Variants in VWA8 observed in about 807,000 individuals in gnomAD.
VWA8 encodes von Willebrand factor A domain containing 8.
A neutral mutation model predicts 241.5 loss-of-function variants in VWA8; 221 were observed. The ratio of observed to expected loss-of-function variants is 0.91; its 90% CI spans 0.82 to 1.02. The LOEUF is 1.02. Ranked by LOEUF, VWA8 falls within the 50% of genes least tolerant of loss-of-function variation. The pLI is 0.00. For synonymous variants in VWA8, 852 were observed against 827.1 expected, an observed-to-expected ratio of 1.03 and a Z score of -0.52; for missense variants, 2,322 against 2,328.7, an observed-to-expected ratio of 1.00 and a Z score of 0.06.
chr13:41,721,371 T>C lies in VWA8; in HGVS notation c.2963A>G (p.Gln988Arg), dbSNP rs1208431571. 1.2e-6 allele frequency: 2 copies of C among 1,613,640 alleles called. No homozygotes were observed. The highest frequency in any genetic ancestry group is 1.7e-4 in the Middle Eastern group (1 of 6,046). The change falls in exon 25 of 45, where the codon CAG becomes CGG. Residue 988 changes from glutamine (Q) to arginine (R), a missense_variant and splice_region_variant. Gln to Arg is a conservative substitution (Grantham distance 43). Transcript: ENST00000379310. ...GGTACAGGTGTGTGCCATACCTACC[T>C]GTAAATGTTTGACTATGTTGACAAC... is the stretch of plus-strand genomic sequence containing the variant. ...REVVNIVKHL[Q>R]KFPTEGLSSV... is the part of the protein sequence containing the mutation.
At chr13:41,573,108 CAAAAAAAAAA>C (rs71086585) in intron 43 of VWA8, among the ~76,000 whole-genome samples, 2 of 72,410 alleles carry the variant, frequency 2.8e-5, no homozygotes, top group African/African-American at 4.7e-5. Context: ...GACACCGTTT[CAAAAAAAAAA>C]AAAAAAAAAG....
At chr13:41,915,645 T>C (rs555319204) in intron 2 of VWA8, among the ~76,000 whole-genome samples, 20 of 152,226 alleles carry the variant, frequency 1.3e-4, no homozygotes, top group Non-Finnish European at 2.5e-4. Flanking sequence ...CTATTTCCTT[T>C]ACCTTCTGAA....
At chr13:41,595,743 T>A (rs1392646991) in intron 40 of VWA8, among the ~76,000 whole-genome samples, 1 of 152,154 alleles carries the variant, frequency 6.6e-6, no homozygotes, top group Non-Finnish European at 1.5e-5. Flanking sequence ...TGTCACAATT[T>A]ACCCATTCTA....
At chr13:41,918,879 T>A (rs1042568086) in intron 2 of VWA8, among the ~76,000 whole-genome samples, 2 of 152,102 alleles carry the variant, frequency 1.3e-5, no homozygotes, top group African/African-American at 4.8e-5. Flanking sequence ...CCATACAAAG[T>A]GTGTTCTCCG....
chr13:41,740,511 T>C (rs1353483146), intron 21 of VWA8, among the ~76,000 whole-genome samples: 2 of 152,238 alleles, frequency 1.3e-5, no homozygotes, highest in Non-Finnish European at 2.9e-5. Context: ...CGCATGCATT[T>C]TTCTGTTCTA....
chr13:41,689,948 G>C (rs969471408), intron 33 of VWA8, among the ~76,000 whole-genome samples: 9 of 152,056 alleles, frequency 5.9e-5, no homozygotes, highest in African/African-American at 2.2e-4. Context: ...TGATCTGTCA[G>C]TTAAAAAAAT....
At position 41,833,324 on chromosome 13, in the gene VWA8, C is replaced by G; in HGVS notation, c.1586+47G>C. On this transcript the variant is annotated intron_variant, in intron 13 of 44. Transcript: ENST00000379310. ...ATAGTTCCATCTTTACTGCTTAAGT[C>G]AGAGTGGGGTGTGTGTCTGTGTGTG... 5 of 1,544,208 alleles carry G rather than the reference C, an allele frequency of 3.2e-6. No homozygotes were observed. The South Asian group carries it at 6.3e-5, about 20-fold the overall frequency.
intron 39 of VWA8, 32 bp from the exon 40 acceptor site, chr13:41,605,308 C>A: frequency 6.2e-7 from 1 of 1,604,296 alleles, no homozygotes. Context: ...AAGTTAACAG[C>A]TTAAATCACG....
intron 2 of VWA8, among the ~76,000 whole-genome samples, chr13:41,927,761 T>A (rs1876918539): frequency 6.6e-6 from 1 of 152,144 alleles, no homozygotes; most frequent in Non-Finnish European, 1.5e-5. Flanking sequence ...TCCTTACCTA[T>A]AAATAATTAT....
intron 43 of VWA8, among the ~76,000 whole-genome samples, chr13:41,572,767 G>A (rs2044316368): frequency 8.2e-6 from 1 of 122,688 alleles, no homozygotes; most frequent in Admixed American, 8.8e-5. Context: ...CCCCCTCTCC[G>A]AGAAACACCC....
chr13:41,701,718 T>C (rs576618971), intron 27 of VWA8, among the ~76,000 whole-genome samples, 188 bp from the exon 28 acceptor site: 3 of 152,262 alleles, frequency 2.0e-5, no homozygotes, highest in Non-Finnish European at 4.4e-5. Context: ...TTATAAATGC[T>C]TTCACATGTG....
rs528866702 is a variant in VWA8 at position 41,583,401 on chromosome 13, T to TG, written c.5271+4110dup. 2.7e-3 allele frequency among the ~76,000 whole-genome samples: 414 copies of TG among 152,160 alleles called. 3 individuals carry two copies. The highest frequency in any genetic ancestry group is 9.6e-3 in the African/African-American group (397 of 41,520). ...GCTCACGCCTGTAATCCCAGCACTT[T>TG]GGGGGGCCAAAGCGGGCAGAACATG... On this transcript the variant is annotated intron_variant, in intron 42 of 44. Coordinates refer to ENST00000379310, the MANE Select transcript of VWA8 (RefSeq NM_015058.2).
chr13:41,949,031 T>TAAAAAAAAAAA (rs35506856), intron 2 of VWA8, among the ~76,000 whole-genome samples: 35 of 63,392 alleles, frequency 5.5e-4, no homozygotes, highest in Non-Finnish European at 8.9e-4. Context: ...TCTACCATCA[T>TAAAAAAAAAAA]AAAAAAAAAA....
intron 1 of VWA8, among the ~76,000 whole-genome samples, chr13:41,956,290 G>A (rs1217164803): frequency 1.3e-5 from 2 of 152,154 alleles, no homozygotes; most frequent in Admixed American, 6.5e-5. Flanking sequence ...TGTCCCCTGA[G>A]GGGGAGAAAT....
intron 9 of VWA8, among the ~76,000 whole-genome samples, chr13:41,869,660 A>G (rs12857496): frequency 5.3e-5 from 7 of 133,230 alleles, no homozygotes; most frequent in African/African-American, 5.7e-5. Context: ...AAAAAAAAAA[A>G]GGCTAGAACC....
intron 24 of VWA8, among the ~76,000 whole-genome samples, chr13:41,723,968 A>G (rs1486030469): frequency 1.3e-5 from 2 of 152,226 alleles, no homozygotes; most frequent in African/African-American, 4.8e-5. Context: ...GCTCCAACAA[A>G]TAAGGCTGAG....
At chr13:41,754,508 G>A (rs897333654) in intron 21 of VWA8, among the ~76,000 whole-genome samples, 2 of 152,088 alleles carry the variant, frequency 1.3e-5, no homozygotes, top group East Asian at 1.9e-4. Flanking sequence ...TGGTGTACAC[G>A]AGATATTTTG....
intron 29 of VWA8, among the ~76,000 whole-genome samples, chr13:41,694,454 T>C (rs7329185): frequency 0.077 from 11,647 of 152,072 alleles, 553 homozygotes; most frequent in African/African-American, 0.13. Flanking sequence ...AGAATGTGTG[T>C]TAGAAATATT....
chr13:41,605,205 T>C lies in VWA8; in HGVS notation c.4949A>G (p.Gln1650Arg). The C allele has an allele frequency of 6.2e-7, 1 of 1,613,252 alleles. No homozygotes were observed. The part of the protein sequence containing the change: ...YERFSGAVRR[Q>R]VHSLRIILDN... The stretch of plus-strand genomic sequence containing the variant: ...CAGGATGATTCGGAGGGAGTGCACC[T>C]GTCGCCGAACAGCACCTGAAAACCT... The change falls in exon 40 of 45, where the codon CAG becomes CGG. Residue 1650 changes from glutamine (Q) to arginine (R), a missense_variant. Coordinates refer to ENST00000379310, the MANE Select transcript of VWA8 (RefSeq NM_015058.2).
Sources: allele counts gnomAD v4.1 joint callset (sites outside exome capture counted in the v4.1 genomes callset), GRCh38; gene constraint gnomAD v4.1.1; transcripts MANE v1.5; gene names NCBI Gene and HGNC (gene_info 2026-07-23, HGNC 2026-07-21).